The following CYRIB variants were observed in gnomAD, a reference collection of about 807,000 sequenced individuals.
The protein encoded by CYRIB is CYFIP-related Rac1 interactor B.
A neutral mutation model predicts 44.2 loss-of-function variants in CYRIB; 8 were observed. The observed-to-expected ratio is 0.18, with a 90% CI of 0.11 to 0.33. CYRIB has a LOEUF of 0.33. Among genes scored for constraint, CYRIB ranks in the 10% least tolerant of loss-of-function variants. CYRIB has a pLI of 1.00. For missense variants in CYRIB, 185 were observed against 382.8 expected (o/e 0.48, Z 4.31); for synonymous variants, 131 against 127.2 (o/e 1.03, Z -0.20).
chr8:129,970,193 C>T (rs16904182), intron 2 of CYRIB, among the ~76,000 whole-genome samples: 9,444 of 152,160 alleles, frequency 0.062, 307 homozygotes, highest in African/African-American at 0.086. Context: ...GTTAAAAGCA[C>T]GCCTACGTAG....
chr8:129,946,530 T>A (rs1415741249), intron 2 of CYRIB, among the ~76,000 whole-genome samples: 1 of 151,970 alleles, frequency 6.6e-6, no homozygotes, highest in African/African-American at 2.4e-5. Context: ...GGCCTGAGAA[T>A]CCCCTGGGAA....
At chr8:129,977,700 T>G (rs916774751) in intron 1 of CYRIB, among the ~76,000 whole-genome samples, 1 of 151,758 alleles carries the variant, frequency 6.6e-6, no homozygotes, top group Non-Finnish European at 1.5e-5. Context: ...CCCGGCTAAT[T>G]TTTTTGTATT....
rs780235638 is a variant in CYRIB at position 129,841,006 on chromosome 8, G to A, written c.*1136C>T. On this transcript the variant is annotated 3_prime_UTR_variant, in exon 12 of 12. Coordinates refer to ENST00000519824, the Ensembl canonical transcript of CYRIB. Reference sequence around the variant, plus strand: ...CCTTTAAGTAGTTTGTTCCAACCATGAGATTTAGATTTCATGATTTAGGTT... The same window carrying A: ...CCTTTAAGTAGTTTGTTCCAACCATAAGATTTAGATTTCATGATTTAGGTT... 2.0e-5 allele frequency: 3 copies of A among 152,218 alleles called. No homozygotes were observed. In the East Asian group the frequency reaches 5.8e-4, roughly 29 times the overall value. The allele number at this position is 152,218 out of a possible 1,614,324, so 9.4% of individuals were successfully genotyped here. A position where few individuals can be genotyped will look rare whatever the true frequency, so the allele number is the denominator to read the frequency against.
exon 12 of CYRIB, chr8:129,841,487 G>A (rs2036287724): frequency 6.6e-6 from 1 of 152,470 alleles, no homozygotes; most frequent in South Asian, 2.1e-4. Flanking sequence ...AATGAAAGCT[G>A]ATTTTTATTT....
chr8:129,941,724 A>C (rs139866772), upstream of CYRIB, among the ~76,000 whole-genome samples: 69 of 152,312 alleles, frequency 4.5e-4, no homozygotes, highest in South Asian at 1.0e-2. Context: ...GGAGGAGTTC[A>C]TACATGTGCA....
At chr8:129,866,235 T>C (rs555499174) in intron 4 of CYRIB, among the ~76,000 whole-genome samples, 5 of 152,198 alleles carry the variant, frequency 3.3e-5, no homozygotes, top group South Asian at 2.1e-4. Flanking sequence ...CCACAATGCA[T>C]TGCATTTGTT....
intron 1 of CYRIB, among the ~76,000 whole-genome samples, chr8:129,981,242 C>T (rs1449420919): frequency 6.6e-6 from 1 of 152,092 alleles, no homozygotes; most frequent in African/African-American, 2.4e-5. Flanking sequence ...TGGGCTCAGG[C>T]CATCCTCCCA....
intron 1 of CYRIB, among the ~76,000 whole-genome samples, chr8:129,912,946 C>T (rs890325318): frequency 4.0e-5 from 6 of 151,262 alleles, no homozygotes; most frequent in Non-Finnish European, 5.9e-5. Flanking sequence ...CAATGCAATA[C>T]CATGACTTTC....
chr8:129,844,787 T>C (rs573136772), intron 11 of CYRIB, among the ~76,000 whole-genome samples: 1 of 152,338 alleles, frequency 6.6e-6, no homozygotes, highest in East Asian at 1.9e-4. Flanking sequence ...TGTAGTACTT[T>C]TGGGGTTACA....
intron 5 of CYRIB, 116 bp from the exon 8 acceptor site, chr8:129,855,863 G>A: frequency 2.1e-6 from 2 of 952,780 alleles, no homozygotes; most frequent in Admixed American, 2.9e-5. Context: ...TTAAAAAACA[G>A]ATGATCTAAA....
At chr8:129,904,552 C>T (rs2074214860) in intron 1 of CYRIB, 1 of 152,206 alleles carries the variant, frequency 6.6e-6, no homozygotes, top group Admixed American at 6.5e-5. Flanking sequence ...CCTTCAACTT[C>T]TGTTTCTTGC....
chr8:129,877,865 T>C (rs1232743005), intron 3 of CYRIB, among the ~76,000 whole-genome samples: 7 of 152,130 alleles, frequency 4.6e-5, no homozygotes, highest in Non-Finnish European at 1.0e-4. Flanking sequence ...GTCAAGATTC[T>C]GTAAATGTAA....
chr8:129,868,265 C>G (rs373133444), intron 4 of CYRIB, among the ~76,000 whole-genome samples: 5 of 152,168 alleles, frequency 3.3e-5, no homozygotes, highest in African/African-American at 1.2e-4. Context: ...AAAATTTCAA[C>G]TGCTTCAATA....
intron 1 of CYRIB, among the ~76,000 whole-genome samples, chr8:130,011,791 C>T (rs7013712): frequency 0.46 from 69,954 of 151,604 alleles, 16,778 homozygotes; most frequent in East Asian, 0.6. Flanking sequence ...CGAGATCGCA[C>T]CACTGCACTC....
At chr8:129,963,276 A>G (rs1046682503) in intron 2 of CYRIB, among the ~76,000 whole-genome samples, 4 of 152,182 alleles carry the variant, frequency 2.6e-5, no homozygotes, top group Non-Finnish European at 4.4e-5. Flanking sequence ...TACATAAACC[A>G]ACAAATCCCC....
In CYRIB at chr8:129,972,671, T is replaced by C. The variant is rs188326158; in HGVS notation, c.-295-1676A>G. 1.5e-4 allele frequency among the ~76,000 whole-genome samples: 23 copies of C among 152,032 alleles called. No individual in the cohort carries two copies. The East Asian group carries it at 3.3e-3, about 22-fold the overall frequency. On this transcript the variant is annotated intron_variant, in intron 1 of 14. Transcript: ENST00000401979. ...GACTCCACACATACCACACATTCAT[T>C]CCATGTACACACACCACACATACAC... is the stretch of plus-strand genomic sequence containing the variant.
At chr8:129,883,277 A>G (rs1326651777) in intron 2 of CYRIB, among the ~76,000 whole-genome samples, 1 of 151,982 alleles carries the variant, frequency 6.6e-6, no homozygotes, top group Non-Finnish European at 1.5e-5. Flanking sequence ...TCAATCCACT[A>G]GATACTAGCA....
chr8:129,849,421 TA>T, intron 9 of CYRIB, 52 bp from the exon 12 acceptor site: 1 of 1,542,750 alleles, frequency 6.5e-7, no homozygotes, highest in Non-Finnish European at 8.7e-7. Context: ...AAATTCTTTT[TA>T]AAAACACACA....
intron 4 of CYRIB, among the ~76,000 whole-genome samples, chr8:129,866,503 AAAT>A (rs199520364): frequency 1.2e-3 from 181 of 151,698 alleles, no homozygotes; most frequent in African/African-American, 3.5e-3. Context: ...CTAAAAAAAA[AAAT>A]AATAATAACT....
Sources: allele counts gnomAD v4.1 joint callset (sites outside exome capture counted in the v4.1 genomes callset), GRCh38; gene constraint gnomAD v4.1.1; transcripts MANE v1.5; gene names NCBI Gene and HGNC (gene_info 2026-07-23, HGNC 2026-07-21).